Variants in FBXO38 observed in about 807,000 individuals in gnomAD.
FBXO38 encodes F-box protein 38, also known as F-box only protein 38.
FBXO38 carries 53 observed loss-of-function variants against 131.9 expected under a neutral mutation model. The ratio of observed to expected loss-of-function variants is 0.40; its 90% CI spans 0.32 to 0.51. FBXO38 has a LOEUF of 0.51. FBXO38 is among the 20% of genes least tolerant of loss of function. The pLI, the probability that FBXO38 is intolerant of heterozygous loss-of-function variation, is 0.53. For synonymous variants in FBXO38, 452 were observed against 505.6 expected, an observed-to-expected ratio of 0.89 and a Z score of 1.42; for missense variants, 1,076 against 1,475.6, an observed-to-expected ratio of 0.73 and a Z score of 4.44.
At chr5:148,427,141 C>T in intron 14 of FBXO38, 72 bp from the exon 15 acceptor site, 3 of 1,503,952 alleles carry the variant, frequency 2.0e-6, no homozygotes, top group Non-Finnish European at 2.7e-6. Flanking sequence ...CAAATTTACT[C>T]TTGCGTTTTG....
chr5:148,405,813 T>A lies in FBXO38; in HGVS notation c.731-444T>A, dbSNP rs147811413. On this transcript the variant is annotated intron_variant, in intron 6 of 21. Coordinates refer to ENST00000340253, the MANE Select transcript of FBXO38 (RefSeq NM_205836.3). ...GATGCAGTCTGCCTTCTTATCCTTC[T>A]ATAATTACTTATGTTAGTTCTAGCT... 1.2e-3 allele frequency among the ~76,000 whole-genome samples: 182 copies of A among 152,366 alleles called. 1 individual carries two copies. Among genetic ancestry groups the A allele is most frequent in the African/African-American group, 4.2e-3 (176 of 41,586 alleles).
At chr5:148,438,522 A>G in intron 18 of FBXO38, 24 bp downstream of exon 18, 1 of 1,603,324 alleles carries the variant, frequency 6.2e-7, no homozygotes, top group South Asian at 1.1e-5. Flanking sequence ...CTTCTTTCCG[A>G]TGATACACAT....
At chr5:148,392,342 A>T (rs1452694037) in intron 1 of FBXO38, among the ~76,000 whole-genome samples, 1 of 152,172 alleles carries the variant, frequency 6.6e-6, no homozygotes, top group African/African-American at 2.4e-5. Context: ...AAGGTTTACA[A>T]TTCAGGAATT....
At chr5:148,428,311 A>G (rs1342226158) in intron 15 of FBXO38, among the ~76,000 whole-genome samples, 3 of 152,212 alleles carry the variant, frequency 2.0e-5, no homozygotes, top group Non-Finnish European at 4.4e-5. Flanking sequence ...CCAAAAGGCA[A>G]GGACTTGACG....
In FBXO38 at chr5:148,423,903, G is replaced by GGCT. The variant is rs1289865802; in HGVS notation, c.1619-94_1619-93insCTG. 9.9e-6 allele frequency: 11 copies of GGCT among 1,116,674 alleles called. No homozygotes were observed. In the African/African-American group the frequency reaches 1.4e-4, roughly 15 times the overall value. The allele number at this position is 1,116,674 out of a possible 1,614,324, so 69.2% of individuals were successfully genotyped here. A position where few individuals can be genotyped will look rare whatever the true frequency, so the allele number is the denominator to read the frequency against. On this transcript the variant is annotated intron_variant, in intron 12 of 21. Coordinates refer to ENST00000340253, the MANE Select transcript of FBXO38 (RefSeq NM_205836.3). The stretch of plus-strand genomic sequence containing the variant: ...TTCAGGGCAGGCCTAGTAATCAGCG[G>GGCT]GACTGTTCAGTTCTTAGGGCGGCCA...
chr5:148,438,961 A>C (rs1360328773), intron 18 of FBXO38, among the ~76,000 whole-genome samples: 1 of 152,206 alleles, frequency 6.6e-6, no homozygotes, highest in Non-Finnish European at 1.5e-5. Context: ...GCTTAATGCC[A>C]AAAGAGGGTT....
Position 148,427,760 on chromosome 5 carries a change from A to G in FBXO38, c.2466A>G (p.Gln822=), listed in dbSNP as rs761742553. Residue 822 remains glutamine (Q), a synonymous_variant, in exon 15 of 22, where the codon CAA becomes CAG. Transcript: ENST00000340253. ...RSAFSFRTLP[Q]GGSSGPAHDE... is the part of the protein sequence containing the mutation. ...CCTTTTCCTTTAGGACTCTGCCACAAGGGGGGTCTTCAGGCCCAGCACATG... is the reference window on the plus strand; with the variant it reads ...CCTTTTCCTTTAGGACTCTGCCACAGGGGGGGTCTTCAGGCCCAGCACATG... The G allele has an allele frequency of 2.7e-5, 43 of 1,612,464 alleles. No homozygotes were observed. The highest frequency in any genetic ancestry group is 3.3e-5 in the Non-Finnish European group (39 of 1,179,152).
intron 5 of FBXO38, among the ~76,000 whole-genome samples, chr5:148,404,233 A>T (rs773903865): frequency 6.6e-6 from 1 of 152,188 alleles, no homozygotes; most frequent in Non-Finnish European, 1.5e-5. Context: ...AAACCCATCT[A>T]GCTGACTTTG....
At chr5:148,436,285 A>C (rs1754343840) in intron 17 of FBXO38, among the ~76,000 whole-genome samples, 1 of 152,202 alleles carries the variant, frequency 6.6e-6, no homozygotes, top group Non-Finnish European at 1.5e-5. Context: ...CCACACACAC[A>C]GTACAGGGTC....
chr5:148,441,433 A>G, intron 21 of FBXO38, 196 bp downstream of exon 21: 1 of 490,248 alleles, frequency 2.0e-6, no homozygotes, highest in Non-Finnish European at 3.5e-6. Context: ...GGATATATAA[A>G]GGCTGGTAGA....
At chr5:148,424,247 T>A in intron 13 of FBXO38, 130 bp downstream of exon 13, 1 of 898,858 alleles carries the variant, frequency 1.1e-6, no homozygotes, top group Non-Finnish European at 1.7e-6. Flanking sequence ...TATTGATTAC[T>A]GAGAACTGTA....
chr5:148,436,953 C>G (rs1359325527), intron 17 of FBXO38, among the ~76,000 whole-genome samples: 1 of 152,212 alleles, frequency 6.6e-6, no homozygotes, highest in Non-Finnish European at 1.5e-5. Flanking sequence ...CTTACAGTAG[C>G]ACTGGAAGAA....
chr5:148,433,374 A>G (rs1487242706), intron 15 of FBXO38, 50 bp from the exon 16 acceptor site: 1 of 1,338,844 alleles, frequency 7.5e-7, no homozygotes, highest in Admixed American at 1.8e-5. Flanking sequence ...TGCTTGAGGG[A>G]AAGAAAGCAA....
intron 12 of FBXO38, among the ~76,000 whole-genome samples, chr5:148,418,319 G>A (rs1753185083): frequency 6.6e-6 from 1 of 151,946 alleles, no homozygotes; most frequent in Non-Finnish European, 1.5e-5. Context: ...TTCCACTTTT[G>A]TCCATGATAT....
At chr5:148,422,881 C>CTA in intron 12 of FBXO38, among the ~76,000 whole-genome samples, 1 of 152,316 alleles carries the variant, frequency 6.6e-6, no homozygotes, top group South Asian at 2.1e-4. Flanking sequence ...AAGCTTTTAA[C>CTA]AATCTGGGGC....
rs142015593 is a variant in FBXO38 at position 148,388,581 on chromosome 5, C to T, written c.-64+4542C>T. ...TTTGCTGCTTCACCTTGTGCTTTTC[C>T]GCTATGGAGACAACGTCTTTCCATA... On this transcript the variant is annotated intron_variant, in intron 1 of 21. Transcript: ENST00000340253. 2.1e-4 allele frequency among the ~76,000 whole-genome samples: 32 copies of T among 152,314 alleles called. No homozygotes were observed. In the East Asian group the frequency reaches 3.5e-3, roughly 17 times the overall value.
At chr5:148,421,275 T>A (rs1460571753) in intron 12 of FBXO38, among the ~76,000 whole-genome samples, 1 of 152,178 alleles carries the variant, frequency 6.6e-6, no homozygotes, top group Non-Finnish European at 1.5e-5. Context: ...AGAATTTGAA[T>A]TTTTGAAAAG....
chr5:148,436,214 A>G (rs890528713), intron 17 of FBXO38, among the ~76,000 whole-genome samples: 4 of 152,174 alleles, frequency 2.6e-5, no homozygotes, highest in African/African-American at 7.2e-5. Flanking sequence ...GAAGCACAAT[A>G]AAGTGCAATA....
intron 8 of FBXO38, 108 bp downstream of exon 8, chr5:148,409,325 C>T (rs1752621661): frequency 5.5e-6 from 4 of 730,368 alleles, no homozygotes; most frequent in Non-Finnish European, 9.8e-6. Flanking sequence ...TACATTTGAT[C>T]AAGCCTTGTT....
Sources: allele counts gnomAD v4.1 joint callset (sites outside exome capture counted in the v4.1 genomes callset), GRCh38; gene constraint gnomAD v4.1.1; transcripts MANE v1.5; gene names NCBI Gene and HGNC (gene_info 2026-07-23, HGNC 2026-07-21).